CMTM4: variants seen among roughly 807,000 people sequenced by gnomAD.
CMTM4 encodes the protein CKLF like MARVEL transmembrane domain containing 4.
A neutral mutation model predicts 19.0 loss-of-function variants in CMTM4; 8 were observed. The ratio of observed to expected loss-of-function variants is 0.42; its 90% CI spans 0.25 to 0.76. The LOEUF is 0.76. Among genes scored for constraint, CMTM4 ranks in the 30% least tolerant of loss-of-function variants. The pLI is 0.27. For missense variants in CMTM4, 228 were observed against 290.2 expected (o/e 0.79, Z 1.56); for synonymous variants, 106 against 121.1 (o/e 0.88, Z 0.82).
chr16:66,633,118 A>AAATATATATATATAAATAT lies in CMTM4; in HGVS notation c.363+3286_363+3287insATATTTATATATATATATT, dbSNP rs1567408480. 6.1e-3 allele frequency among the ~76,000 whole-genome samples: 462 copies of AAATATATATATATAAATAT among 76,192 alleles called. 4 individuals carry two copies. Among genetic ancestry groups the AAATATATATATATAAATAT allele is most frequent in the Admixed American group, 0.03 (215 of 7,094 alleles). The allele number at this position is 76,192 out of a possible 152,430, so 50.0% of individuals were successfully genotyped here. ...ATATATATAAATATATATATATATA[A>AAATATATATATATAAATAT]ATATATATATATAAATATATATATA... On this transcript the variant is annotated intron_variant, in intron 2 of 3. Coordinates refer to ENST00000394106, the MANE Select transcript of CMTM4 (RefSeq NM_181521.3).
intron 1 of CMTM4, among the ~76,000 whole-genome samples, chr16:66,679,269 C>T (rs772525984): frequency 3.3e-5 from 5 of 152,072 alleles, no homozygotes; most frequent in African/African-American, 4.8e-5. Flanking sequence ...ACAATCAAGT[C>T]TCAATTTTCA....
chr16:66,632,163 A>G (rs72790456), intron 2 of CMTM4, among the ~76,000 whole-genome samples: 6,671 of 152,270 alleles, frequency 0.044, 271 homozygotes, highest in East Asian at 0.16. Context: ...CCCAGGATGC[A>G]AGGTGAGAGA....
chr16:66,613,056 C>T (rs776258837), downstream of CMTM4: 4 of 702,922 alleles, frequency 5.7e-6, no homozygotes, highest in South Asian at 3.0e-5. Context: ...AGGGCTGCCC[C>T]GCCAGGCCCC....
Position 66,619,381 on chromosome 16 carries a change from T to G in CMTM4, c.*2677A>C, listed in dbSNP as rs2015585737. On this transcript the variant is annotated 3_prime_UTR_variant, in exon 4 of 4. Transcript: ENST00000394106. ...AAAAAACCCAAATGCACACAGCAAC[T>G]GCAGTTTCTTCAAGTTTTGCTTTAA... The G allele has an allele frequency of 1.0e-6, 1 of 985,314 alleles. No homozygotes were observed. The highest frequency in any genetic ancestry group is 4.7e-5 in the South Asian group (1 of 21,294). 61.0% of individuals were successfully genotyped at this position (985,314 alleles called of 1,614,324 possible). A position where few individuals can be genotyped will look rare whatever the true frequency, so the allele number is the denominator to read the frequency against.
intron 1 of CMTM4, among the ~76,000 whole-genome samples, chr16:66,639,683 T>C (rs2016063982): frequency 6.6e-6 from 1 of 151,082 alleles, no homozygotes; most frequent in East Asian, 2.0e-4. Context: ...AGGAGTTCCA[T>C]ACCAGCCTGG....
At chr16:66,603,503 G>C in the CMTM4 span, among the ~76,000 whole-genome samples, 1 of 152,072 alleles carries the variant, frequency 6.6e-6, no homozygotes, top group Non-Finnish European at 1.5e-5. Flanking sequence ...TGGCCAGGCT[G>C]GTCTCGAACT....
intron 1 of CMTM4, among the ~76,000 whole-genome samples, chr16:66,643,539 T>A (rs867189329): frequency 6.6e-6 from 1 of 152,200 alleles, no homozygotes; most frequent in African/African-American, 2.4e-5. Context: ...ATGCATAAAA[T>A]TGTAAGTACA....
intron 1 of CMTM4, among the ~76,000 whole-genome samples, chr16:66,648,161 C>T (rs1043045504): frequency 2.6e-5 from 4 of 152,202 alleles, no homozygotes; most frequent in African/African-American, 9.6e-5. Context: ...GACTTTGTTG[C>T]CAGTATGAGA....
Position 66,620,555 on chromosome 16 carries a change from A to G in CMTM4, c.*1503T>C. The G allele has an allele frequency of 1.0e-6, 1 of 985,516 alleles. No homozygotes were observed. Among genetic ancestry groups the G allele is most frequent in the Middle Eastern group, 5.2e-4 (1 of 1,912 alleles). The allele number at this position is 985,516 out of a possible 1,614,324, so 61.0% of individuals were successfully genotyped here. On this transcript the variant is annotated 3_prime_UTR_variant, in exon 4 of 4. Coordinates refer to ENST00000394106, the MANE Select transcript of CMTM4 (RefSeq NM_181521.3). The stretch of plus-strand genomic sequence containing the variant: ...GGGAATGAGACGCCACATGTCCATA[A>G]GGTGACGCTTTCTTGCACAGACCCC...
At chr16:66,663,926 A>G (rs1334105270) in intron 1 of CMTM4, among the ~76,000 whole-genome samples, 6 of 152,104 alleles carry the variant, frequency 3.9e-5, no homozygotes, top group African/African-American at 1.4e-4. Flanking sequence ...TACTTCTTGG[A>G]TTATTTTATA....
the CMTM4 span, among the ~76,000 whole-genome samples, chr16:66,606,798 G>A: frequency 6.6e-6 from 1 of 152,178 alleles, no homozygotes; most frequent in Non-Finnish European, 1.5e-5. Flanking sequence ...TTCGAGACCA[G>A]CCTGGCCAGC....
chr16:66,665,602 G>A (rs1046945135), intron 1 of CMTM4, among the ~76,000 whole-genome samples: 5 of 152,000 alleles, frequency 3.3e-5, no homozygotes, highest in African/African-American at 1.2e-4. Context: ...AAACTAGCTG[G>A]GTGTGGTGGT....
At chr16:66,666,148 G>A (rs1383236009) in intron 1 of CMTM4, among the ~76,000 whole-genome samples, 1 of 151,024 alleles carries the variant, frequency 6.6e-6, no homozygotes, top group East Asian at 2.0e-4. Context: ...TTCTGCAAAG[G>A]AAATTGTTAA....
chr16:66,646,708 T>A (rs955419325), intron 1 of CMTM4, among the ~76,000 whole-genome samples: 1 of 137,692 alleles, frequency 7.3e-6, no homozygotes, highest in Non-Finnish European at 1.6e-5. Context: ...CATTCATGAA[T>A]TTTTTTTTTT....
chr16:66,606,276 G>A, the CMTM4 span, among the ~76,000 whole-genome samples: 3 of 152,126 alleles, frequency 2.0e-5, no homozygotes, highest in Non-Finnish European at 2.9e-5. Context: ...AGTGGCCCCA[G>A]AAATCGCGGG....
chr16:66,650,951 G>C (rs1019706894), intron 1 of CMTM4, among the ~76,000 whole-genome samples: 2 of 152,166 alleles, frequency 1.3e-5, no homozygotes, highest in Non-Finnish European at 2.9e-5. Context: ...TTCAGAATCA[G>C]ACGAAGCTCT....
chr16:66,672,917 C>T (rs575067271), intron 1 of CMTM4, among the ~76,000 whole-genome samples: 23 of 140,192 alleles, frequency 1.6e-4, no homozygotes, highest in East Asian at 4.5e-4. Flanking sequence ...TAAGCCACTG[C>T]GCCTGGCTTT....
At chr16:66,692,097 G>GTT (rs963535590) in intron 1 of CMTM4, among the ~76,000 whole-genome samples, 1 of 146,128 alleles carries the variant, frequency 6.8e-6, no homozygotes, top group African/African-American at 2.5e-5. Context: ...AGGTTTTGTT[G>GTT]TTTTTTTTTT....
intron 1 of CMTM4, among the ~76,000 whole-genome samples, chr16:66,693,938 C>T (rs2017182613): frequency 6.6e-6 from 1 of 151,924 alleles, no homozygotes; most frequent in African/African-American, 2.4e-5. Context: ...GGGTGGGTCT[C>T]TTGAGCCCAG....
Sources: gnomAD v4.1 joint callset for allele counts (sites outside exome capture counted in the v4.1 genomes callset) on GRCh38, gnomAD v4.1.1 for gene constraint, MANE v1.5 for transcripts, NCBI Gene and HGNC (gene_info 2026-07-23, HGNC 2026-07-21) for gene names.